Variants in ATP8B4 observed in about 807,000 individuals in gnomAD.
ATP8B4 encodes probable phospholipid-transporting ATPase IM.
ATP8B4 carries 133 observed loss-of-function variants against 145.6 expected under a neutral mutation model. That is an observed-to-expected ratio of 0.91 (90% confidence interval 0.79 to 1.05). The LOEUF is 1.05. Among genes scored for constraint, ATP8B4 ranks in the 50% least tolerant of loss-of-function variants. The probability of loss-of-function intolerance (pLI) is 0.00; values close to 1 mark genes in which losing one functional copy is unlikely to be tolerated. For synonymous variants in ATP8B4, 507 were observed against 492.9 expected (o/e 1.03, Z -0.38); for missense variants, 1,458 against 1,425.2 (o/e 1.02, Z -0.37).
intron 1 of ATP8B4, among the ~76,000 whole-genome samples, chr15:50,112,845 G>T (rs550828433): frequency 2.6e-5 from 4 of 151,480 alleles, no homozygotes; most frequent in Non-Finnish European, 5.9e-5. Context: ...TTTCCTTTCC[G>T]TTTCCCTAAC....
Position 49,876,309 on chromosome 15 carries a change from G to A in ATP8B4, c.2996C>T (p.Ala999Val), listed in dbSNP as rs750989403. Residue 999 changes from alanine to valine, a missense_variant, in exon 25 of 28, where the codon GCC (alanine) becomes GTC (valine). Transcript: ENST00000284509. Reference sequence around the variant, plus strand: ...ACTGACCACAATGACCAAAGATGTGGCCATGGTAACTGCAAAGGACTGGTA... The same window carrying A: ...ACTGACCACAATGACCAAAGATGTGACCATGGTAACTGCAAAGGACTGGTA... ...ADYQSFAVTM[A>V]TSLVIVVSVQ... is the part of the protein sequence containing the mutation. The A allele has an allele frequency of 8.1e-6, 13 of 1,613,964 alleles. No individual in the cohort carries two copies. The highest frequency in any genetic ancestry group is 2.7e-5 in the African/African-American group (2 of 74,928).
intron 20 of ATP8B4, chr15:49,902,324 T>C (rs950824927): frequency 5.3e-5 from 8 of 152,344 alleles, no homozygotes; most frequent in African/African-American, 1.4e-4. Flanking sequence ...AATGGTTTTA[T>C]GCTGAGGCTC....
intron 5 of ATP8B4, among the ~76,000 whole-genome samples, chr15:50,041,264 T>G (rs544836425): frequency 3.9e-4 from 60 of 152,318 alleles, no homozygotes; most frequent in African/African-American, 1.4e-3. Flanking sequence ...TTGTTGAAAT[T>G]TCCTCTCTTA....
intron 3 of ATP8B4, among the ~76,000 whole-genome samples, chr15:50,057,577 A>C (rs985834042): frequency 6.6e-6 from 1 of 152,204 alleles, no homozygotes; most frequent in African/African-American, 2.4e-5. Context: ...AGTCACTTCC[A>C]GTCCTTTCAA....
chr15:50,030,301 A>T (rs951227109), intron 6 of ATP8B4, among the ~76,000 whole-genome samples: 3 of 152,172 alleles, frequency 2.0e-5, no homozygotes, highest in Non-Finnish European at 4.4e-5. Context: ...GGCACATAGA[A>T]CTTGGTGTAT....
intron 3 of ATP8B4, 127 bp downstream of exon 3, chr15:50,074,000 C>A: frequency 1.5e-6 from 1 of 652,978 alleles, no homozygotes; most frequent in Non-Finnish European, 2.7e-6. Flanking sequence ...ATATATGTCA[C>A]CTTGCTGTCA....
chr15:50,065,999 G>C (rs570824381), intron 3 of ATP8B4, among the ~76,000 whole-genome samples: 1 of 132,722 alleles, frequency 7.5e-6, no homozygotes, highest in African/African-American at 2.8e-5. Flanking sequence ...AAATTCAGAG[G>C]CCAGAAAAAA....
chr15:49,981,958 A>C (rs16963141), intron 10 of ATP8B4, among the ~76,000 whole-genome samples: 23,503 of 152,212 alleles, frequency 0.15, 1,987 homozygotes, highest in African/African-American at 0.22. Flanking sequence ...CTGCTTTAGA[A>C]GTGGGTTATT....
intron 4 of ATP8B4, among the ~76,000 whole-genome samples, chr15:50,046,187 C>T (rs2051703691): frequency 2.0e-5 from 3 of 152,180 alleles, no homozygotes; most frequent in Non-Finnish European, 4.4e-5. Flanking sequence ...AATGAAGATA[C>T]AGCTCCAATC....
intron 1 of ATP8B4, among the ~76,000 whole-genome samples, chr15:50,164,868 T>C (rs748837030): frequency 1.1e-4 from 17 of 152,176 alleles, no homozygotes; most frequent in Admixed American, 3.9e-4. Flanking sequence ...TTGCTTTCCA[T>C]TGTGAAAGGA....
intron 7 of ATP8B4, chr15:50,009,552 C>A: frequency 2.7e-6 from 1 of 371,770 alleles, no homozygotes. Context: ...AAGAATGAAG[C>A]AAAGTCTCAG....
chr15:50,038,652 T>C, intron 6 of ATP8B4, 116 bp downstream of exon 6: 2 of 769,372 alleles, frequency 2.6e-6, no homozygotes, highest in South Asian at 4.1e-5. Context: ...CAATTTTTAA[T>C]AAATTAAAGG....
intron 23 of ATP8B4, chr15:49,896,543 C>A (rs2037417852): frequency 6.6e-6 from 1 of 152,136 alleles, no homozygotes; most frequent in South Asian, 2.1e-4. Context: ...GTTATGGTTA[C>A]CATTTCCTTT....
intron 6 of ATP8B4, 57 bp downstream of exon 6, chr15:50,038,711 A>C: frequency 8.3e-6 from 11 of 1,325,618 alleles, no homozygotes; most frequent in Non-Finnish European, 1.1e-5. Flanking sequence ...CCAATCGTCA[A>C]GAGCTGTTTC....
chr15:50,016,570 C>A (rs530471640), intron 6 of ATP8B4, among the ~76,000 whole-genome samples: 1 of 152,244 alleles, frequency 6.6e-6, no homozygotes, highest in Admixed American at 6.5e-5. Context: ...ACAATGAAAG[C>A]CACAGCCAAG....
intron 1 of ATP8B4, among the ~76,000 whole-genome samples, chr15:50,141,503 T>A (rs4774557): frequency 6.6e-6 from 1 of 151,864 alleles, no homozygotes; most frequent in African/African-American, 2.4e-5. Flanking sequence ...ATAATACTTA[T>A]TGAGCGTCTC....
chr15:50,020,038 G>A (rs532013425), intron 6 of ATP8B4, among the ~76,000 whole-genome samples: 1 of 151,926 alleles, frequency 6.6e-6, no homozygotes, highest in South Asian at 2.1e-4. Context: ...GCTTGCTGCA[G>A]CCTTGAATTT....
rs1469235315 is a variant in ATP8B4 at position 50,017,196 on chromosome 15, T to C, written c.363-6279A>G. On this transcript the variant is annotated intron_variant, in intron 6 of 27. Coordinates refer to ENST00000284509, the MANE Select transcript of ATP8B4 (RefSeq NM_024837.4). ...AAAATATTAGGTCATCTGATTCACCTCCTTTGCCAACAGTACAATAAAGTT... is the reference window on the plus strand; with the variant it reads ...AAAATATTAGGTCATCTGATTCACCCCCTTTGCCAACAGTACAATAAAGTT... Among the ~76,000 whole-genome samples, 3 of 152,300 alleles carry C rather than the reference T, an allele frequency of 2.0e-5. No homozygotes were observed. In the East Asian group the frequency reaches 5.8e-4, roughly 29 times the overall value.
chr15:49,869,217 TG>T (rs1489343931), intron 25 of ATP8B4, among the ~76,000 whole-genome samples: 2 of 151,782 alleles, frequency 1.3e-5, no homozygotes, highest in Non-Finnish European at 2.9e-5. Flanking sequence ...TGGCCAGAAA[TG>T]GGATATTTTA....
Sources: gnomAD v4.1 joint callset for allele counts (sites outside exome capture counted in the v4.1 genomes callset) on GRCh38, gnomAD v4.1.1 for gene constraint, MANE v1.5 for transcripts, NCBI Gene and HGNC (gene_info 2026-07-23, HGNC 2026-07-21) for gene names.